NBAS: variants seen among roughly 807,000 people sequenced by gnomAD.
The protein encoded by NBAS is NBAS subunit of NRZ tethering complex, also known as NAG/BC035112 fusion.
Under a neutral mutation model 302.5 loss-of-function variants are expected in NBAS, and 219 were observed. That is an observed-to-expected ratio of 0.72 (90% CI 0.65 to 0.81). The LOEUF (loss-of-function observed/expected upper bound fraction) is 0.81. NBAS is among the 30% of genes least tolerant of loss of function. NBAS has a pLI of 0.00. For synonymous variants in NBAS, 1,118 were observed against 1,021.6 expected (o/e 1.09, Z -1.80); for missense variants, 2,932 against 2,841.6 (o/e 1.03, Z -0.72).
chr2:15,068,209 A>G, the NBAS span, among the ~76,000 whole-genome samples: 1 of 152,106 alleles, frequency 6.6e-6, no homozygotes, highest in African/African-American at 2.4e-5. Context: ...TCTCTAATAC[A>G]TTTTCTCAAA....
chr2:15,186,962 T>C, intron 49 of NBAS, 82 bp from the exon 50 acceptor site: 4 of 1,568,480 alleles, frequency 2.6e-6, no homozygotes, highest in South Asian at 2.2e-5. Flanking sequence ...ACAAGTGAAA[T>C]GCTTACGGTA....
At chr2:14,944,905 T>C in the NBAS span, among the ~76,000 whole-genome samples, 3 of 152,250 alleles carry the variant, frequency 2.0e-5, no homozygotes, top group African/African-American at 7.2e-5. Flanking sequence ...CCCACTATCT[T>C]GGGTGTCCTG....
the NBAS span, among the ~76,000 whole-genome samples, chr2:14,786,230 T>C: frequency 6.6e-6 from 1 of 152,100 alleles, no homozygotes. Flanking sequence ...TTATTAGTCT[T>C]GCTAGCAGTC....
the NBAS span, among the ~76,000 whole-genome samples, chr2:14,963,225 G>A: frequency 5.3e-5 from 8 of 151,988 alleles, no homozygotes; most frequent in South Asian, 2.1e-4. Context: ...CCAAGATCGC[G>A]ACCCAGCACT....
intron 9 of NBAS, among the ~76,000 whole-genome samples, chr2:15,528,106 C>T (rs1311996415): frequency 2.0e-5 from 3 of 152,072 alleles, no homozygotes; most frequent in Non-Finnish European, 4.4e-5. Flanking sequence ...AGCTACACCA[C>T]TTACAATTTC....
intron 24 of NBAS, 52 bp downstream of exon 24, chr2:15,417,475 T>G: frequency 6.8e-7 from 1 of 1,464,122 alleles, no homozygotes; most frequent in Non-Finnish European, 9.5e-7. Flanking sequence ...TGTATCAAAG[T>G]GCATAGAAAA....
At chr2:15,332,400 T>C (rs532039384) in intron 35 of NBAS, among the ~76,000 whole-genome samples, 2 of 152,204 alleles carry the variant, frequency 1.3e-5, no homozygotes, top group Non-Finnish European at 2.9e-5. Context: ...AAATATATTA[T>C]GTTAGGACAC....
chr2:15,078,098 A>C, the NBAS span, among the ~76,000 whole-genome samples: 9 of 152,194 alleles, frequency 5.9e-5, no homozygotes, highest in African/African-American at 2.2e-4. Context: ...AAGCATATGC[A>C]AAGCCCCAAG....
the NBAS span, among the ~76,000 whole-genome samples, chr2:14,963,157 A>G: frequency 3.9e-5 from 6 of 151,948 alleles, no homozygotes; most frequent in African/African-American, 1.5e-4. Flanking sequence ...AATCCCAGCT[A>G]CTCAGGAGGC....
chr2:14,839,068 T>G, the NBAS span, among the ~76,000 whole-genome samples: 1 of 151,896 alleles, frequency 6.6e-6, no homozygotes, highest in Non-Finnish European at 1.5e-5. Flanking sequence ...GGCAGTGTAG[T>G]AGCAAACTGG....
chr2:15,099,767 C>T, the NBAS span, among the ~76,000 whole-genome samples: 1 of 151,868 alleles, frequency 6.6e-6, no homozygotes, highest in African/African-American at 2.4e-5. Context: ...TTGGACTTTA[C>T]GAGTGCAAAG....
the NBAS span, among the ~76,000 whole-genome samples, chr2:14,822,155 T>C: frequency 5.9e-5 from 9 of 152,226 alleles, no homozygotes; most frequent in Non-Finnish European, 1.2e-4. Context: ...CCTGTGTAGG[T>C]AGTGTTTGTC....
chr2:15,301,317 T>C (rs1290571144), intron 40 of NBAS, among the ~76,000 whole-genome samples: 2 of 152,234 alleles, frequency 1.3e-5, no homozygotes, highest in African/African-American at 4.8e-5. Context: ...ATAAAGAAGA[T>C]TCCTTTTCTG....
intron 21 of NBAS, among the ~76,000 whole-genome samples, chr2:15,460,035 A>G (rs560124991): frequency 2.3e-4 from 35 of 152,086 alleles, no homozygotes; most frequent in Non-Finnish European, 4.1e-4. Flanking sequence ...TAATTACTCT[A>G]TACATGTTGA....
intron 45 of NBAS, among the ~76,000 whole-genome samples, chr2:15,237,287 T>C (rs1254303475): frequency 6.6e-6 from 1 of 152,106 alleles, no homozygotes; most frequent in Non-Finnish European, 1.5e-5. Context: ...CTGGTTTCAT[T>C]GTATAGTCCT....
chr2:15,240,693 G>GA (rs1422552275), intron 44 of NBAS, among the ~76,000 whole-genome samples: 1 of 151,996 alleles, frequency 6.6e-6, no homozygotes, highest in Non-Finnish European at 1.5e-5. Flanking sequence ...AGATCTTTAG[G>GA]AAAGTACTAT....
At chr2:14,812,978 C>T in the NBAS span, among the ~76,000 whole-genome samples, 18 of 152,082 alleles carry the variant, frequency 1.2e-4, no homozygotes, top group Non-Finnish European at 2.5e-4. Context: ...GTAGCACTTC[C>T]GCCTTCATTC....
the NBAS span, among the ~76,000 whole-genome samples, chr2:14,812,156 C>G: frequency 6.6e-6 from 1 of 152,196 alleles, no homozygotes; most frequent in Non-Finnish European, 1.5e-5. Context: ...GGCTAGGGGC[C>G]TCAGCTTCCT....
At position 15,309,388 on chromosome 2, in the gene NBAS, C is replaced by A. The variant is rs185778411; in HGVS notation, c.4583-141G>T. 1,890 of 648,144 alleles carry A rather than the reference C, an allele frequency of 2.9e-3. 7 individuals are homozygous for A. The highest frequency in any genetic ancestry group is 4.1e-3 in the Non-Finnish European group (1,519 of 368,146). 40.1% of individuals were successfully genotyped at this position (648,144 alleles called of 1,614,324 possible). A position where few individuals can be genotyped will look rare whatever the true frequency, so the allele number is the denominator to read the frequency against. ...TTTAGGAAAGGCTGTTCAGCACCATCTAAAAACAGATCATATGGAACTGTG... is the reference window on the plus strand; with the variant it reads ...TTTAGGAAAGGCTGTTCAGCACCATATAAAAACAGATCATATGGAACTGTG... On this transcript the variant is annotated intron_variant, in intron 38 of 51. Transcript: ENST00000281513.
Sources: gnomAD v4.1 joint callset for allele counts (sites outside exome capture counted in the v4.1 genomes callset) on GRCh38, gnomAD v4.1.1 for gene constraint, MANE v1.5 for transcripts, NCBI Gene and HGNC (gene_info 2026-07-23, HGNC 2026-07-21) for gene names.